Variants in PDE11A observed in about 807,000 individuals in gnomAD.
PDE11A encodes the protein dual 3',5'-cyclic-AMP and -GMP phosphodiesterase 11A.
PDE11A carries 100 observed loss-of-function variants against 100.5 expected under a neutral mutation model. The ratio of observed to expected loss-of-function variants is 1.00; its 90% CI spans 0.85 to 1.18. PDE11A has a LOEUF of 1.18. Ranked by LOEUF, PDE11A falls within the 50% of genes most tolerant of loss-of-function variation. The probability of loss-of-function intolerance (pLI) is 0.00; values close to 1 mark genes in which losing one functional copy is unlikely to be tolerated. For synonymous variants in PDE11A, 381 were observed against 420.8 expected (o/e 0.91, Z 1.16); for missense variants, 1,141 against 1,152.6 (o/e 0.99, Z 0.15).
chr2:177,751,164 T>C (rs2105477160), intron 10 of PDE11A, among the ~76,000 whole-genome samples: 1 of 151,844 alleles, frequency 6.6e-6, no homozygotes, highest in East Asian at 1.9e-4. Flanking sequence ...CTCTGATGTG[T>C]CTGAGAAAGA....
intron 19 of PDE11A, among the ~76,000 whole-genome samples, chr2:177,641,057 C>A (rs79567976): frequency 0.017 from 2,522 of 152,290 alleles, 61 homozygotes; most frequent in African/African-American, 0.056. Flanking sequence ...TCCCAGCCTT[C>A]CTCTGCCACT....
chr2:177,853,635 CATATATATATAT>C lies in PDE11A; in HGVS notation c.1368-13264_1368-13253del, dbSNP rs371434526. ...GGGCACACCTTCCCAACAAGTCCTGCATATATATATATATATATATATATATATATATATATA... is the reference window on the plus strand; with the variant it reads ...GGGCACACCTTCCCAACAAGTCCTGCATATATATATATATATATATATATA... On this transcript the variant is annotated intron_variant, in intron 5 of 19. Coordinates refer to ENST00000286063, the MANE Select transcript of PDE11A (RefSeq NM_016953.4). Among the ~76,000 whole-genome samples, 308 of 36,152 alleles carry C rather than the reference CATATATATATAT, an allele frequency of 8.5e-3. 6 individuals carry two copies. Among genetic ancestry groups the C allele is most frequent in the Middle Eastern group, 0.023 (1 of 44 alleles). The allele number at this position is 36,152 out of a possible 152,430, so 23.7% of individuals were successfully genotyped here. A position where few individuals can be genotyped will look rare whatever the true frequency, so the allele number is the denominator to read the frequency against.
chr2:178,073,046 C>T (rs1363707842), upstream of PDE11A: 1 of 985,294 alleles, frequency 1.0e-6, no homozygotes, highest in East Asian at 1.1e-4. Flanking sequence ...CCAACCCTCC[C>T]TACTCACCGC....
chr2:177,819,376 G>T (rs1369026426), intron 7 of PDE11A, among the ~76,000 whole-genome samples: 1 of 152,022 alleles, frequency 6.6e-6, no homozygotes, highest in Non-Finnish European at 1.5e-5. Context: ...AAAGGCAAAT[G>T]GATGCATTAG....
At chr2:177,654,698 C>G (rs2080356624) in intron 19 of PDE11A, among the ~76,000 whole-genome samples, 1 of 152,136 alleles carries the variant, frequency 6.6e-6, no homozygotes, top group Non-Finnish European at 1.5e-5. Context: ...TCTTATTTCT[C>G]CCAACAGTCA....
chr2:177,997,745 C>T (rs2086094955), intron 2 of PDE11A: 1 of 1,446,440 alleles, frequency 6.9e-7, no homozygotes, highest in Non-Finnish European at 9.7e-7. Flanking sequence ...AAACATTCCA[C>T]ATAACTGAAC....
intron 9 of PDE11A, among the ~76,000 whole-genome samples, chr2:177,816,241 C>A (rs2083037086): frequency 6.6e-6 from 1 of 151,880 alleles, no homozygotes; most frequent in Admixed American, 6.6e-5. Context: ...AGAGCAGAAG[C>A]TAGAAAAAAA....
intron 1 of PDE11A, 45 bp from the exon 2 acceptor site, chr2:178,014,505 T>C (rs1226048820): frequency 1.3e-6 from 2 of 1,519,778 alleles, no homozygotes; most frequent in Non-Finnish European, 1.8e-6. Context: ...TGCATTGTTG[T>C]CAGGGAGAAG....
intron 9 of PDE11A, among the ~76,000 whole-genome samples, chr2:177,805,141 A>C (rs1169102307): frequency 2.0e-5 from 3 of 151,604 alleles, no homozygotes; most frequent in Admixed American, 2.0e-4. Flanking sequence ...CCTAAAACAA[A>C]ATGACCCAGA....
chr2:177,727,705 A>G lies in PDE11A; in HGVS notation c.1996T>C (p.Trp666Arg), dbSNP rs780187429. 1 of 1,612,234 alleles carries G rather than the reference A, an allele frequency of 6.2e-7. No individual in the cohort carries two copies. The highest frequency in any genetic ancestry group is 1.1e-5 in the South Asian group (1 of 91,054). ...KNYRMVLYHN[W>R]RHAFNVCQLM... is the part of the protein sequence containing the mutation. ...TGACACACGTTGAAGGCATGTCTCC[A>G]GTTGTGGTATAGAACCATCCGATAG... The change falls in exon 12 of 20, where the codon TGG (tryptophan) becomes CGG (arginine). Residue 666 changes from tryptophan (W) to arginine (R), a missense_variant. Coordinates refer to ENST00000286063, the MANE Select transcript of PDE11A (RefSeq NM_016953.4).
intron 19 of PDE11A, among the ~76,000 whole-genome samples, chr2:177,632,031 TC>T (rs1401657921): frequency 1.3e-5 from 2 of 152,200 alleles, no homozygotes; most frequent in African/African-American, 4.8e-5. Flanking sequence ...CCTTTTGTAA[TC>T]TTTCCATTTG....
At chr2:177,717,614 A>T (rs1169868890) in intron 12 of PDE11A, among the ~76,000 whole-genome samples, 2 of 152,134 alleles carry the variant, frequency 1.3e-5, no homozygotes, top group Non-Finnish European at 2.9e-5. Flanking sequence ...AATACAATAT[A>T]TCTAAGTAAA....
chr2:177,960,416 A>C lies in PDE11A; in HGVS notation c.1071+53886T>G, dbSNP rs1363424087. On this transcript the variant is annotated intron_variant, in intron 2 of 19. Transcript: ENST00000286063. ...CATCGTAGAATTAATAATGGTTTTC[A>C]TTATTTATGAGTATTTTTTGAAATT... Among the ~76,000 whole-genome samples, 4 of 152,146 alleles carry C rather than the reference A, an allele frequency of 2.6e-5. No homozygotes were observed. In the South Asian group the frequency reaches 6.2e-4, roughly 24 times the overall value.
Position 177,883,040 on chromosome 2 carries a change from T to C in PDE11A, c.1303-7117A>G, listed in dbSNP as rs575427860. 2.6e-5 allele frequency among the ~76,000 whole-genome samples: 4 copies of C among 151,974 alleles called. No individual in the cohort carries two copies. In the South Asian group the frequency reaches 8.3e-4, roughly 32 times the overall value. ...ATGCCAGCACTTTGGGAAGTCAAGG[T>C]GGGTAGATAACTGAGATCAGGAGTT... On this transcript the variant is annotated intron_variant, in intron 4 of 19. Transcript: ENST00000286063.
chr2:178,059,845 G>A (rs891455148), intron 1 of PDE11A, among the ~76,000 whole-genome samples: 2 of 152,054 alleles, frequency 1.3e-5, no homozygotes, highest in Non-Finnish European at 2.9e-5. Flanking sequence ...TGGAGAGGAC[G>A]CTCACCACTT....
At chr2:177,725,720 C>T (rs995476072) in intron 12 of PDE11A, among the ~76,000 whole-genome samples, 1 of 152,090 alleles carries the variant, frequency 6.6e-6, no homozygotes, top group African/African-American at 2.4e-5. Flanking sequence ...ATCAAAATTG[C>T]CCATATAATG....
intron 13 of PDE11A, 29 bp downstream of exon 13, chr2:177,711,740 T>C (rs765837509): frequency 4.9e-6 from 6 of 1,215,114 alleles, no homozygotes; most frequent in Non-Finnish European, 7.3e-6. Context: ...GGCAAATGCA[T>C]TAAAATAACA....
At chr2:177,763,120 C>G (rs2082192540) in intron 10 of PDE11A, among the ~76,000 whole-genome samples, 1 of 152,174 alleles carries the variant, frequency 6.6e-6, no homozygotes, top group African/African-American at 2.4e-5. Context: ...CTGAGCAGTG[C>G]AAGCCGCCCG....
intron 10 of PDE11A, among the ~76,000 whole-genome samples, chr2:177,735,392 T>C (rs1053102008): frequency 3.4e-5 from 5 of 148,172 alleles, no homozygotes; most frequent in African/African-American, 1.3e-4. Flanking sequence ...GAAAAAACAA[T>C]GATTCGTGGA....
Sources: allele counts gnomAD v4.1 joint callset (sites outside exome capture counted in the v4.1 genomes callset), GRCh38; gene constraint gnomAD v4.1.1; transcripts MANE v1.5; gene names NCBI Gene and HGNC (gene_info 2026-07-23, HGNC 2026-07-21).